Variants in METTL22 observed in about 807,000 individuals in gnomAD.
The protein encoded by METTL22 is methyltransferase 22, Kin17 lysine.
Under a neutral mutation model 48.4 loss-of-function variants are expected in METTL22, and 51 were observed. The observed-to-expected ratio is 1.05, with a 90% CI of 0.84 to 1.33. METTL22 has a LOEUF of 1.33. Ranked by LOEUF, METTL22 falls within the 40% of genes most tolerant of loss-of-function variation. The probability of loss-of-function intolerance (pLI) is 0.00; values close to 1 mark genes in which losing one functional copy is unlikely to be tolerated. For missense variants in METTL22, 678 were observed against 526.9 expected (o/e 1.29, Z -2.81); for synonymous variants, 255 against 214.1 (o/e 1.19, Z -1.67).
downstream of METTL22, among the ~76,000 whole-genome samples, chr16:8,651,558 C>G (rs900329713): frequency 1.3e-5 from 2 of 152,044 alleles, no homozygotes; most frequent in South Asian, 2.1e-4. Context: ...GTTGGATTGT[C>G]TCACATCATC....
At position 8,635,036 on chromosome 16, in the gene METTL22, C is replaced by T. The variant is rs1228348759; in HGVS notation, c.515-3C>T. On this transcript the variant is annotated splice_polypyrimidine_tract_variant and splice_region_variant and intron_variant, in intron 3 of 10. Coordinates refer to ENST00000381920, the MANE Select transcript of METTL22 (RefSeq NM_024109.4). Reference sequence around the variant, plus strand: ...CATTTCTCTTGGTTTCTGTCCCATCCAGAGCACACCATGGCCACGCCCCTG... The same window carrying T: ...CATTTCTCTTGGTTTCTGTCCCATCTAGAGCACACCATGGCCACGCCCCTG... 2 of 1,613,360 alleles carry T rather than the reference C, an allele frequency of 1.2e-6. No homozygotes were observed. The highest frequency in any genetic ancestry group is 2.7e-5 in the African/African-American group (2 of 74,900).
chr16:8,647,048 A>C lies in METTL22; in HGVS notation c.*905A>C. 1 of 272,242 alleles carries C rather than the reference A, an allele frequency of 3.7e-6. No individual in the cohort carries two copies. The highest frequency in any genetic ancestry group is 7.2e-6 in the Non-Finnish European group (1 of 138,002). 16.9% of individuals were successfully genotyped at this position (272,242 alleles called of 1,614,324 possible). ...TTCCCCTGCCTTGCTGCTGCCGCAC[A>C]CTTTGCACCAGGGCCTTTCATGGCC... On this transcript the variant is annotated 3_prime_UTR_variant, in exon 11 of 11. Transcript: ENST00000381920.
At chr16:8,631,453 C>G (rs1300700048) in intron 3 of METTL22, 1 of 152,170 alleles carries the variant, frequency 6.6e-6, no homozygotes, top group East Asian at 1.9e-4. Context: ...CGCTTAGCCT[C>G]TCTGAGTTCA....
chr16:8,644,678 G>A lies in METTL22; in HGVS notation c.1132G>A (p.Glu378Lys). 1.2e-6 allele frequency: 2 copies of A among 1,605,370 alleles called. No homozygotes were observed. The highest frequency in any genetic ancestry group is 1.1e-5 in the South Asian group (1 of 89,462). Residue 378 changes from glutamate (E) to lysine (K), a missense_variant, in exon 10 of 11, where the codon GAG (glutamate) becomes AAG (lysine). Glu to Lys is a moderately conservative substitution (Grantham distance 56). Transcript: ENST00000381920. ...GCTGCGCTTCGTGGTGGAGCCCGTG[G>A]AGGCCTCCTTCCCACAGCTCCTGGT... ...GKLRFVVEPV[E>K]ASFPQLLVYE...
chr16:8,656,615 A>G, the METTL22 span, among the ~76,000 whole-genome samples: 5 of 152,360 alleles, frequency 3.3e-5, no homozygotes. Context: ...GAGAGCAGCC[A>G]GTCCCTGTCA....
intron 1 of METTL22, among the ~76,000 whole-genome samples, chr16:8,624,405 C>G (rs2055969122): frequency 6.8e-6 from 1 of 147,728 alleles, no homozygotes. Context: ...CAGGGTCTTG[C>G]TCTGCCACCC....
chr16:8,634,247 GA>G (rs551676005), intron 3 of METTL22, among the ~76,000 whole-genome samples: 45 of 152,280 alleles, frequency 3.0e-4, no homozygotes, highest in African/African-American at 1.0e-3. Context: ...CTACACAGTC[GA>G]TTTCTTTCCT....
the METTL22 span, among the ~76,000 whole-genome samples, chr16:8,663,243 C>T: frequency 6.8e-6 from 1 of 146,262 alleles, no homozygotes; most frequent in Admixed American, 7.0e-5. Flanking sequence ...AAGCCATCAT[C>T]ATCATCATCT....
chr16:8,642,424 C>A, intron 8 of METTL22, 39 bp from the exon 9 acceptor site: 1 of 1,575,162 alleles, frequency 6.3e-7, no homozygotes, highest in Non-Finnish European at 8.7e-7. Context: ...GTAATATTTG[C>A]GTGTTTTCCT....
rs753604228 is a variant in METTL22, at chr16:8,628,941, G to C, written c.345G>C (p.Gln115His). 1 of 1,614,122 alleles carries C rather than the reference G, an allele frequency of 6.2e-7. No individual in the cohort carries two copies. Among genetic ancestry groups the C allele is most frequent in the Non-Finnish European group, 8.5e-7 (1 of 1,180,038 alleles). The change falls in exon 3 of 11, where the codon CAG becomes CAC. Residue 115 changes from glutamine to histidine, a missense_variant. Gln to His is a conservative substitution (Grantham distance 24). Coordinates refer to ENST00000381920, the MANE Select transcript of METTL22 (RefSeq NM_024109.4). ...CTGGCCAGGAAGTGGCTGAAGCTCA[G>C]CTGGATGAGGATGGGGATTTGGACG... is the stretch of plus-strand genomic sequence containing the variant. ...DTTGQEVAEA[Q>H]LDEDGDLDVV... is the part of the protein sequence containing the mutation.
At chr16:8,657,489 T>C in the METTL22 span, among the ~76,000 whole-genome samples, 1 of 152,176 alleles carries the variant, frequency 6.6e-6, no homozygotes, top group Admixed American at 6.5e-5. Flanking sequence ...CTTTGTCCTG[T>C]CCCTCTTTAA....
At chr16:8,665,449 C>T in the METTL22 span, among the ~76,000 whole-genome samples, 12 of 152,250 alleles carry the variant, frequency 7.9e-5, no homozygotes, top group South Asian at 4.1e-4. Flanking sequence ...AAAGCCCCTC[C>T]CTCTGCTGCC....
intron 7 of METTL22, chr16:8,641,729 C>A: frequency 2.6e-6 from 1 of 391,336 alleles, no homozygotes; most frequent in South Asian, 2.2e-5. Context: ...GCACCGTAGG[C>A]CCTTCGGCCC....
At chr16:8,642,289 G>A in intron 8 of METTL22, 82 bp downstream of exon 8, 3 of 1,383,586 alleles carry the variant, frequency 2.2e-6, no homozygotes, top group Non-Finnish European at 3.1e-6. Flanking sequence ...TCCCCCGGGA[G>A]TTCAGTTTTA....
chr16:8,646,027 G>GCCTGCTCCGTGGCTGACGTTTT, intron 10 of METTL22, 81 bp from the exon 11 acceptor site: 1 of 1,586,920 alleles, frequency 6.3e-7, no homozygotes, highest in Non-Finnish European at 8.6e-7. Context: ...TACTCTCCTT[G>GCCTGCTCCGTGGCTGACGTTTT]GTGAATCACT....
the METTL22 span, among the ~76,000 whole-genome samples, chr16:8,660,927 G>A: frequency 6.8e-6 from 1 of 146,708 alleles, no homozygotes; most frequent in Admixed American, 6.8e-5. Context: ...GTGGGTGAGC[G>A]GATGAGTGAA....
the METTL22 span, among the ~76,000 whole-genome samples, chr16:8,659,727 C>T: frequency 1.4e-5 from 2 of 138,080 alleles, no homozygotes; most frequent in African/African-American, 6.1e-5. Flanking sequence ...GCAAGGACTT[C>T]GCTTTTTTTT....
chr16:8,665,897 A>C, the METTL22 span, among the ~76,000 whole-genome samples: 4 of 152,192 alleles, frequency 2.6e-5, no homozygotes, highest in African/African-American at 9.7e-5. Flanking sequence ...GAGGGTGCGA[A>C]TGAGCTACAG....
At position 8,644,702 on chromosome 16, in the gene METTL22, G is replaced by A. The variant is rs1340457665; in HGVS notation, c.1156G>A (p.Val386Ile). ...GGAGGCCTCCTTCCCACAGCTCCTG[G>A]TTTACGAGCGCCTCCAGCAACTGGT... ...PVEASFPQLL[V>I]YERLQQLELW... Residue 386 changes from valine (V) to isoleucine (I), a missense_variant, in exon 10 of 11, where the codon GTT (valine) becomes ATT (isoleucine). Transcript: ENST00000381920. 6.3e-7 allele frequency: 1 copy of A among 1,594,792 alleles called. No individual in the cohort carries two copies. The highest frequency in any genetic ancestry group is 1.8e-5 in the Admixed American group (1 of 57,056).
Sources: allele counts gnomAD v4.1 joint callset (sites outside exome capture counted in the v4.1 genomes callset), GRCh38; gene constraint gnomAD v4.1.1; transcripts MANE v1.5; gene names NCBI Gene and HGNC (gene_info 2026-07-23, HGNC 2026-07-21).